Variants in PTPRM observed in about 807,000 individuals in gnomAD.
The protein encoded by PTPRM is receptor-type tyrosine-protein phosphatase mu.
A neutral mutation model predicts 186.7 loss-of-function variants in PTPRM; 47 were observed. The observed-to-expected ratio is 0.25, with a 90% CI of 0.20 to 0.32. PTPRM has a LOEUF of 0.32. PTPRM is among the 10% of genes least tolerant of loss of function. The pLI, the probability that PTPRM is intolerant of heterozygous loss-of-function variation, is 1.00. For synonymous variants in PTPRM, 668 were observed against 674.9 expected (o/e 0.99, Z 0.16); for missense variants, 1,494 against 1,865.0 (o/e 0.80, Z 3.66).
chr18:8,007,864 G>C (rs555049308), intron 7 of PTPRM, among the ~76,000 whole-genome samples: 21 of 152,284 alleles, frequency 1.4e-4, no homozygotes, highest in African/African-American at 4.8e-4. Context: ...TCTGGTGGTA[G>C]ATTCTTATCT....
chr18:8,393,913 C>T (rs1218670035), intron 31 of PTPRM, among the ~76,000 whole-genome samples: 2 of 152,182 alleles, frequency 1.3e-5, no homozygotes, highest in South Asian at 2.1e-4. Context: ...CTCAGCCTCC[C>T]GAGTAGCTGG....
intron 22 of PTPRM, among the ~76,000 whole-genome samples, chr18:8,319,905 G>A (rs1313785197): frequency 9.9e-5 from 15 of 152,176 alleles, no homozygotes; most frequent in Admixed American, 9.2e-4. Flanking sequence ...AGGACATGTT[G>A]AGGAAGCTCA....
At chr18:7,918,411 T>A (rs1000926182) in intron 4 of PTPRM, among the ~76,000 whole-genome samples, 2 of 152,180 alleles carry the variant, frequency 1.3e-5, no homozygotes, top group Non-Finnish European at 2.9e-5. Context: ...TTACTCCCTG[T>A]CATTTTGATA....
At chr18:8,014,835 C>T (rs2084759683) in intron 7 of PTPRM, among the ~76,000 whole-genome samples, 1 of 151,964 alleles carries the variant, frequency 6.6e-6, no homozygotes, top group African/African-American at 2.4e-5. Context: ...TTTGTAATAG[C>T]TCATTCTTTA....
At position 7,641,382 on chromosome 18, in the gene PTPRM, A is replaced by G. The variant is rs2038439299; in HGVS notation, c.73+73491A>G. Among the ~76,000 whole-genome samples, 3 of 152,218 alleles carry G rather than the reference A, an allele frequency of 2.0e-5. No homozygotes were observed. The South Asian group carries it at 6.2e-4, about 32-fold the overall frequency. On this transcript the variant is annotated intron_variant, in intron 1 of 32. Coordinates refer to ENST00000580170, the MANE Select transcript of PTPRM (RefSeq NM_001105244.2). ...CCATAATATTAAGAAAAGGAGAAAG[A>G]GAGACAGGAAAGGACTTAGTTAATT... is the stretch of plus-strand genomic sequence containing the variant.
chr18:7,752,276 T>C (rs1209291341), intron 1 of PTPRM, among the ~76,000 whole-genome samples: 1 of 152,220 alleles, frequency 6.6e-6, no homozygotes, highest in Non-Finnish European at 1.5e-5. Flanking sequence ...ATCTTTGAGG[T>C]ATGATTCTGA....
intron 7 of PTPRM, among the ~76,000 whole-genome samples, chr18:8,031,964 T>G (rs1280240747): frequency 6.6e-6 from 1 of 152,180 alleles, no homozygotes; most frequent in South Asian, 2.1e-4. Context: ...ATAGAAAGGA[T>G]GCACAGTTAT....
At position 8,012,854 on chromosome 18, in the gene PTPRM, A is replaced by G. The variant is rs138891980; in HGVS notation, c.1133-56832A>G. Among the ~76,000 whole-genome samples, 370 of 152,250 alleles carry G rather than the reference A, an allele frequency of 2.4e-3. 3 individuals carry two copies. The highest frequency in any genetic ancestry group is 8.4e-3 in the African/African-American group (350 of 41,556). On this transcript the variant is annotated intron_variant, in intron 7 of 32. Coordinates refer to ENST00000580170, the MANE Select transcript of PTPRM (RefSeq NM_001105244.2). ...ATTGAATTTTTTATTTTTCAAATGA[A>G]GTGTATTTTTTTTTCATCCAGAATG...
chr18:8,017,243 G>C (rs1190368201), intron 7 of PTPRM, among the ~76,000 whole-genome samples: 2 of 151,934 alleles, frequency 1.3e-5, no homozygotes, highest in Non-Finnish European at 2.9e-5. Flanking sequence ...TACTTGTATA[G>C]TATAAAAATA....
At chr18:8,327,216 C>T (rs775432036) in intron 22 of PTPRM, among the ~76,000 whole-genome samples, 2 of 152,200 alleles carry the variant, frequency 1.3e-5, no homozygotes, top group Non-Finnish European at 2.9e-5. Context: ...CACTGTCTTC[C>T]TTTTATGCTC....
chr18:8,257,467 C>G (rs2094585131), intron 19 of PTPRM, among the ~76,000 whole-genome samples: 1 of 152,006 alleles, frequency 6.6e-6, no homozygotes, highest in Non-Finnish European at 1.5e-5. Flanking sequence ...CTGAACAGCT[C>G]AATTTTAAAA....
intron 4 of PTPRM, among the ~76,000 whole-genome samples, chr18:7,910,918 C>T (rs532907290): frequency 6.6e-6 from 1 of 152,244 alleles, no homozygotes; most frequent in East Asian, 1.9e-4. Context: ...CCTCTAGACC[C>T]TATTCTCCCG....
At chr18:7,984,048 A>T (rs2082699278) in intron 7 of PTPRM, among the ~76,000 whole-genome samples, 2 of 152,186 alleles carry the variant, frequency 1.3e-5, no homozygotes. Context: ...TGTTCTGGAA[A>T]ACAATGTGTT....
At chr18:7,606,698 G>A (rs1474836820) in intron 1 of PTPRM, among the ~76,000 whole-genome samples, 1 of 152,146 alleles carries the variant, frequency 6.6e-6, no homozygotes, top group Non-Finnish European at 1.5e-5. Flanking sequence ...ATTTGTATTT[G>A]TTTAAAGGAT....
At position 7,716,691 on chromosome 18, in the gene PTPRM, A is replaced by G. The variant is rs113524414; in HGVS notation, c.74-57458A>G. Reference sequence around the variant, plus strand: ...AAAAAGATTTGAACAGACACTTCTCAATAGAAGATATTGATGCAACCAATA... The same window carrying G: ...AAAAAGATTTGAACAGACACTTCTCGATAGAAGATATTGATGCAACCAATA... On this transcript the variant is annotated intron_variant, in intron 1 of 32. Coordinates refer to ENST00000580170, the MANE Select transcript of PTPRM (RefSeq NM_001105244.2). Among the ~76,000 whole-genome samples, 1,310 of 152,366 alleles carry G rather than the reference A, an allele frequency of 8.6e-3. 15 individuals are homozygous for G. The highest frequency in any genetic ancestry group is 0.017 in the Middle Eastern group (5 of 294).
At chr18:7,835,304 A>G (rs1057168553) in intron 2 of PTPRM, among the ~76,000 whole-genome samples, 9 of 151,368 alleles carry the variant, frequency 5.9e-5, no homozygotes, top group African/African-American at 2.2e-4. Context: ...GTTTCAATAA[A>G]TTTTTTAATT....
rs1176230629 is a variant in PTPRM, at chr18:8,289,551, CAT to C, written c.2755-6809_2755-6808del. ...ATATATATACACATATATATATATA[CAT>C]ATATATACACATATATATATATACA... On this transcript the variant is annotated intron_variant, in intron 19 of 32. Transcript: ENST00000580170. Among the ~76,000 whole-genome samples, 352 of 77,692 alleles carry C rather than the reference CAT, an allele frequency of 4.5e-3. 15 individuals carry two copies. The highest frequency in any genetic ancestry group is 0.012 in the African/African-American group (147 of 12,232). 51.0% of individuals were successfully genotyped at this position (77,692 alleles called of 152,430 possible). A position where few individuals can be genotyped will look rare whatever the true frequency, so the allele number is the denominator to read the frequency against.
chr18:8,168,207 G>T (rs1051604919), intron 14 of PTPRM, among the ~76,000 whole-genome samples: 3 of 152,122 alleles, frequency 2.0e-5, no homozygotes. Context: ...CCTGAAAGTT[G>T]TTAAGTATTT....
At chr18:7,835,970 T>C (rs2046028493) in intron 2 of PTPRM, among the ~76,000 whole-genome samples, 1 of 152,136 alleles carries the variant, frequency 6.6e-6, no homozygotes, top group Non-Finnish European at 1.5e-5. Flanking sequence ...TCCCTTTATT[T>C]TTAGTTTACC....
Sources: allele counts gnomAD v4.1 joint callset (sites outside exome capture counted in the v4.1 genomes callset), GRCh38; gene constraint gnomAD v4.1.1; transcripts MANE v1.5; gene names NCBI Gene and HGNC (gene_info 2026-07-23, HGNC 2026-07-21).